KDM2B: variants seen among roughly 807,000 people sequenced by gnomAD.
KDM2B encodes the protein lysine demethylase 2B, also known as lysine-specific demethylase 2B.
In KDM2B, 26 loss-of-function variants were observed where a neutral mutation model predicts 150.0. That is an observed-to-expected ratio of 0.17 (90% CI 0.13 to 0.24). KDM2B has a LOEUF of 0.24. KDM2B is among the 10% of genes least tolerant of loss of function. KDM2B has a pLI of 1.00. For missense variants in KDM2B, 1,265 were observed against 1,816.9 expected, an observed-to-expected ratio of 0.70 and a Z score of 5.52; for synonymous variants, 734 against 729.5, an observed-to-expected ratio of 1.01 and a Z score of -0.10.
At chr12:121,461,676 G>C (rs1049992889) in intron 12 of KDM2B, among the ~76,000 whole-genome samples, 1 of 152,158 alleles carries the variant, frequency 6.6e-6, no homozygotes, top group Non-Finnish European at 1.5e-5. Flanking sequence ...ACTGCTGTGG[G>C]CATGCGGAAT....
chr12:121,438,648 C>T (rs540598303), intron 22 of KDM2B, among the ~76,000 whole-genome samples: 3 of 152,164 alleles, frequency 2.0e-5, no homozygotes, highest in South Asian at 2.1e-4. Context: ...TCCTAGGTCC[C>T]GAATGATCTC....
At chr12:121,448,662 G>T (rs1876712150) in intron 13 of KDM2B, among the ~76,000 whole-genome samples, 1 of 152,122 alleles carries the variant, frequency 6.6e-6, no homozygotes, top group Non-Finnish European at 1.5e-5. Flanking sequence ...CACGCCATTG[G>T]TAAGTGAAAA....
At position 121,521,203 on chromosome 12, in the gene KDM2B, G is replaced by A; in HGVS notation, c.932-103C>T. 1.3e-6 allele frequency: 1 copy of A among 772,404 alleles called. No individual in the cohort carries two copies. The highest frequency in any genetic ancestry group is 2.2e-6 in the Non-Finnish European group (1 of 455,594). The allele number at this position is 772,404 out of a possible 1,614,324, so 47.8% of individuals were successfully genotyped here. A position where few individuals can be genotyped will look rare whatever the true frequency, so the allele number is the denominator to read the frequency against. On this transcript the variant is annotated intron_variant, in intron 8 of 22. Coordinates refer to ENST00000377071, the MANE Select transcript of KDM2B (RefSeq NM_032590.5). The surrounding 1 kb of genome is among the most constrained non-coding windows in gnomAD (Gnocchi z 4.9). The stretch of plus-strand genomic sequence containing the variant: ...AGAGCGAGCGTGCAGGAGGGTGCAG[G>A]GAGTGGAGAAGAGCAGCCAGGGCCT...
At chr12:121,572,286 T>C (rs1891155625) in intron 4 of KDM2B, among the ~76,000 whole-genome samples, 1 of 152,164 alleles carries the variant, frequency 6.6e-6, no homozygotes, top group Non-Finnish European at 1.5e-5. Context: ...CACCCCACTT[T>C]AAAGCTCCCC....
At chr12:121,417,588 T>G in the KDM2B span, 9 of 1,614,196 alleles carry the variant, frequency 5.6e-6, no homozygotes, top group Non-Finnish European at 7.6e-6. The surrounding 1 kb of genome is among the most constrained non-coding windows in gnomAD (Gnocchi z 5.0). Flanking sequence ...TACTTGTCAC[T>G]TATTACAAGA....
At chr12:121,555,278 A>G (rs1889807801) in intron 4 of KDM2B, among the ~76,000 whole-genome samples, 1 of 152,262 alleles carries the variant, frequency 6.6e-6, no homozygotes, top group South Asian at 2.1e-4. Context: ...ATGAGGATAT[A>G]GTAATTTACA....
intron 12 of KDM2B, 51 bp downstream of exon 12, chr12:121,494,528 G>A (rs1883704332): frequency 2.1e-6 from 3 of 1,436,308 alleles, no homozygotes; most frequent in South Asian, 2.4e-5. Context: ...CCTACAGGAG[G>A]TGGGAAGGAG....
At chr12:121,441,355 A>G in intron 19 of KDM2B, 122 bp from the exon 20 acceptor site, 1 of 894,368 alleles carries the variant, frequency 1.1e-6, no homozygotes, top group South Asian at 1.7e-5. Context: ...AGCGCTCTGG[A>G]CCCTTCTCTA....
Position 121,442,207 on chromosome 12 carries a change from G to A in KDM2B, c.3234C>T (p.Ser1078=). The A allele has an allele frequency of 6.2e-7, 1 of 1,613,516 alleles. No individual in the cohort carries two copies. Among genetic ancestry groups the A allele is most frequent in the Non-Finnish European group, 8.5e-7 (1 of 1,180,026 alleles). The change falls in exon 19 of 23, where the codon AGC becomes AGT. Residue 1078 remains serine, a synonymous_variant. Transcript: ENST00000377071. The surrounding 1 kb of genome is among the most constrained non-coding windows in gnomAD (Gnocchi z 7.7). The stretch of plus-strand genomic sequence containing the variant: ...GCATGCACACACACAGGTCTTGGTG[G>A]CTGAGGTAGCTGAAGACGGCCATCC... ...EVWMAVFSYL[S]HQDLCVCMRV...
At position 121,580,868 on chromosome 12, in the gene KDM2B, G is replaced by A. The variant is rs782747909; in HGVS notation, c.44C>T (p.Pro15Leu). The A allele has an allele frequency of 6.2e-7, 1 of 1,613,674 alleles. No homozygotes were observed. Among genetic ancestry groups the A allele is most frequent in the South Asian group, 1.1e-5 (1 of 91,008 alleles). ...QMGGSAEDHP[P>L]RKRHAAEKQK... ...CTTTTCTGCTGCATGTCTTTTTCGT[G>A]GGGGGTGATCCTCTGCAGATCCCCC... The change falls in exon 1 of 23, where the codon CCA becomes CTA. Residue 15 changes from proline to leucine, a missense_variant. Coordinates refer to ENST00000377071, the MANE Select transcript of KDM2B (RefSeq NM_032590.5).
At chr12:121,546,560 GTTTT>G (rs879981112) in intron 6 of KDM2B, among the ~76,000 whole-genome samples, 5 of 145,986 alleles carry the variant, frequency 3.4e-5, no homozygotes, top group Non-Finnish European at 6.1e-5. Flanking sequence ...TTTTTTTTTG[GTTTT>G]TTTTTTTTGT....
At chr12:121,562,367 C>T (rs571219424) in intron 4 of KDM2B, among the ~76,000 whole-genome samples, 2 of 152,088 alleles carry the variant, frequency 1.3e-5, no homozygotes, top group South Asian at 2.1e-4. Flanking sequence ...GCCTGTAATC[C>T]CAGCTACTCA....
At chr12:121,525,986 G>A (rs1594050158) in intron 8 of KDM2B, among the ~76,000 whole-genome samples, 1 of 152,190 alleles carries the variant, frequency 6.6e-6, no homozygotes, top group Admixed American at 6.5e-5. Flanking sequence ...GCTCTCAGGA[G>A]GGAGGGGATC....
At chr12:121,573,681 A>G (rs903642275) in intron 4 of KDM2B, among the ~76,000 whole-genome samples, 1 of 149,504 alleles carries the variant, frequency 6.7e-6, no homozygotes, top group African/African-American at 2.5e-5. Context: ...GCCGCCTCCC[A>G]GGTTCACACC....
chr12:121,547,803 G>A (rs891345245), intron 6 of KDM2B, among the ~76,000 whole-genome samples: 2 of 151,744 alleles, frequency 1.3e-5, no homozygotes, highest in African/African-American at 4.8e-5. Context: ...CCACCACACC[G>A]GGTCAATTTT....
intron 6 of KDM2B, among the ~76,000 whole-genome samples, chr12:121,542,664 T>G (rs1046623391): frequency 1.2e-4 from 19 of 152,212 alleles, no homozygotes; most frequent in African/African-American, 4.3e-4. Flanking sequence ...ATAAGGAATT[T>G]TCTAAGACAA....
the KDM2B span, among the ~76,000 whole-genome samples, chr12:121,422,403 A>G: frequency 6.6e-6 from 1 of 151,104 alleles, no homozygotes. Context: ...CTCCACACAG[A>G]AGGAGAGACC....
chr12:121,468,387 A>G lies in KDM2B; in HGVS notation c.1735-15043T>C, dbSNP rs782368772. ...AAAGAGCTCATGACCATGAGCTAGA[A>G]CGACCAAAGCTGTTATAAGCATCAA... On this transcript the variant is annotated intron_variant, in intron 12 of 22. Coordinates refer to ENST00000377071, the MANE Select transcript of KDM2B (RefSeq NM_032590.5). The surrounding 1 kb of genome is among the most constrained non-coding windows in gnomAD (Gnocchi z 4.0). 4 of 152,260 alleles carry G rather than the reference A, an allele frequency of 2.6e-5. No homozygotes were observed. Among genetic ancestry groups the G allele is most frequent in the Non-Finnish European group, 1.5e-5 (1 of 68,052 alleles). 9.4% of individuals were successfully genotyped at this position (152,260 alleles called of 1,614,324 possible).
chr12:121,453,273 T>C lies in KDM2B; in HGVS notation c.1806A>G (p.Thr602=), dbSNP rs1295652549. 1 of 1,607,938 alleles carries C rather than the reference T, an allele frequency of 6.2e-7. No homozygotes were observed. The highest frequency in any genetic ancestry group is 8.5e-7 in the Non-Finnish European group (1 of 1,177,450). The part of the protein sequence containing the change: ...ASAVKLAANR[T]TAGARRRRTR... ...TCCGGCGCCGCCGAGCTCCTGCCGTTGTCCGGTTGGCGGCCAACTTCACCG... is the reference window on the plus strand; with the variant it reads ...TCCGGCGCCGCCGAGCTCCTGCCGTCGTCCGGTTGGCGGCCAACTTCACCG... Residue 602 remains threonine (T), a synonymous_variant, in exon 13 of 23, where the codon ACA becomes ACG. Transcript: ENST00000377071. This position sits in a 1 kb window ranked among gnomAD's most constrained non-coding sequence, Gnocchi z 6.4.
Sources: allele counts gnomAD v4.1 joint callset (sites outside exome capture counted in the v4.1 genomes callset), GRCh38; gene constraint gnomAD v4.1.1; non-coding constraint Gnocchi (gnomAD v3.1); transcripts MANE v1.5; gene names NCBI Gene and HGNC (gene_info 2026-07-23, HGNC 2026-07-21).